Variants in SRPK1 observed in about 807,000 individuals in gnomAD.
SRPK1 encodes SFRS protein kinase 1.
A neutral mutation model predicts 89.5 loss-of-function variants in SRPK1; 52 were observed. That is an observed-to-expected ratio of 0.58 (90% CI 0.46 to 0.73). The LOEUF (loss-of-function observed/expected upper bound fraction) is 0.73. SRPK1 is among the 30% of genes least tolerant of loss of function. The pLI is 0.00. For synonymous variants in SRPK1, 255 were observed against 270.2 expected, an observed-to-expected ratio of 0.94 and a Z score of 0.55; for missense variants, 603 against 780.6, an observed-to-expected ratio of 0.77 and a Z score of 2.71.
chr6:35,887,926 T>C lies in SRPK1; in HGVS notation c.390+98A>G, dbSNP rs137888368. ...GGTTACTAGAACTTTATAGAGAAAA[T>C]TATCCATGCTAAAGAGCCTCCACTT... On this transcript the variant is annotated intron_variant, in intron 5 of 15. Coordinates refer to ENST00000373825, the MANE Select transcript of SRPK1 (RefSeq NM_003137.5). 6 of 824,774 alleles carry C rather than the reference T, an allele frequency of 7.3e-6. No individual in the cohort carries two copies. In the East Asian group the frequency reaches 1.5e-4, roughly 20 times the overall value. 51.1% of individuals were successfully genotyped at this position (824,774 alleles called of 1,614,324 possible).
intron 2 of SRPK1, among the ~76,000 whole-genome samples, chr6:35,911,102 T>C (rs1219442296): frequency 1.3e-5 from 2 of 152,192 alleles, no homozygotes; most frequent in African/African-American, 2.4e-5. Context: ...GATAAGGCAA[T>C]AGCTACCATA....
At chr6:35,897,729 C>T (rs1770654127) in intron 2 of SRPK1, among the ~76,000 whole-genome samples, 1 of 152,124 alleles carries the variant, frequency 6.6e-6, no homozygotes, top group African/African-American at 2.4e-5. Context: ...CCAGACAAGT[C>T]TCAAACTCCT....
At chr6:35,850,438 A>G (rs1472970729) in intron 13 of SRPK1, among the ~76,000 whole-genome samples, 1 of 152,218 alleles carries the variant, frequency 6.6e-6, no homozygotes, top group Non-Finnish European at 1.5e-5. Flanking sequence ...AGCACCAGAA[A>G]GGCCAAAAGA....
intron 2 of SRPK1, among the ~76,000 whole-genome samples, chr6:35,907,796 CTG>C (rs1770882626): frequency 6.6e-6 from 1 of 152,150 alleles, no homozygotes; most frequent in South Asian, 2.1e-4. Flanking sequence ...TAGTTTGGCT[CTG>C]TGTCTCTACA....
intron 13 of SRPK1, among the ~76,000 whole-genome samples, chr6:35,852,286 C>T (rs1359186167): frequency 6.6e-6 from 1 of 152,184 alleles, no homozygotes; most frequent in Non-Finnish European, 1.5e-5. Context: ...AGAGCAATGC[C>T]TGGGATTCTG....
intron 2 of SRPK1, among the ~76,000 whole-genome samples, chr6:35,907,960 G>A (rs528466994): frequency 6.6e-6 from 1 of 152,208 alleles, no homozygotes; most frequent in East Asian, 1.9e-4. Flanking sequence ...CCTCGTTCTC[G>A]CAGACATTCC....
In SRPK1 at chr6:35,840,044, C is replaced by T. The variant is rs566258326; in HGVS notation, c.1691-1615G>A. Among the ~76,000 whole-genome samples the T allele has an allele frequency of 7.9e-5, 12 of 151,986 alleles. No homozygotes were observed. In the East Asian group the frequency reaches 2.1e-3, roughly 27 times the overall value. On this transcript the variant is annotated intron_variant, in intron 14 of 15. Coordinates refer to ENST00000373825, the MANE Select transcript of SRPK1 (RefSeq NM_003137.5). ...CTGGTCTCAAACTCCTGGGCTCAAG[C>T]GATCCACCCACCTCAGCCTCCTGAA...
intron 2 of SRPK1, among the ~76,000 whole-genome samples, chr6:35,901,170 G>A (rs1198528398): frequency 1.3e-5 from 2 of 152,162 alleles, no homozygotes; most frequent in Admixed American, 1.3e-4. Context: ...TGTGTTAGAG[G>A]CTGAATTGTG....
At chr6:35,898,612 A>T (rs1770673705) in intron 2 of SRPK1, among the ~76,000 whole-genome samples, 1 of 152,082 alleles carries the variant, frequency 6.6e-6, no homozygotes, top group Non-Finnish European at 1.5e-5. Context: ...GGCATCTGTA[A>T]TCTCAGCTAC....
chr6:35,910,311 G>C (rs1007967914), intron 2 of SRPK1, among the ~76,000 whole-genome samples: 2 of 152,164 alleles, frequency 1.3e-5, no homozygotes, highest in Non-Finnish European at 2.9e-5. Flanking sequence ...GATGGAGAAA[G>C]TTTTAGTGGT....
intron 5 of SRPK1, among the ~76,000 whole-genome samples, chr6:35,887,612 G>A (rs1770437262): frequency 6.6e-6 from 1 of 152,010 alleles, no homozygotes; most frequent in African/African-American, 2.4e-5. Context: ...AATGGAATCA[G>A]TAAATACAGT....
At chr6:35,889,963 C>A (rs1268823792) in intron 3 of SRPK1, among the ~76,000 whole-genome samples, 1 of 148,836 alleles carries the variant, frequency 6.7e-6, no homozygotes, top group Non-Finnish European at 1.5e-5. Flanking sequence ...AAAAAATTAG[C>A]CGGGTATGGT....
intron 2 of SRPK1, among the ~76,000 whole-genome samples, chr6:35,896,718 G>GA (rs1770632525): frequency 6.6e-6 from 1 of 152,130 alleles, no homozygotes; most frequent in Non-Finnish European, 1.5e-5. Flanking sequence ...GGAAATGCAG[G>GA]AACTTATTAT....
intron 5 of SRPK1, 79 bp from the exon 6 acceptor site, chr6:35,886,890 G>T: frequency 1.3e-6 from 1 of 756,150 alleles, no homozygotes; most frequent in Non-Finnish European, 2.3e-6. Context: ...AATACTTACA[G>T]CAAATTAACT....
chr6:35,878,813 AG>A (rs1770214880), intron 6 of SRPK1, among the ~76,000 whole-genome samples: 1 of 152,200 alleles, frequency 6.6e-6, no homozygotes, highest in Admixed American at 6.5e-5. Context: ...ATTTACGGCC[AG>A]GCACAGTAGC....
chr6:35,908,511 G>A (rs2127267182), intron 2 of SRPK1, among the ~76,000 whole-genome samples: 2 of 152,354 alleles, frequency 1.3e-5, no homozygotes, highest in South Asian at 4.1e-4. Context: ...GTATTTGGCA[G>A]AAGAAATTTC....
intron 2 of SRPK1, among the ~76,000 whole-genome samples, chr6:35,906,770 C>T (rs933856341): frequency 9.9e-5 from 15 of 151,752 alleles, no homozygotes; most frequent in African/African-American, 3.6e-4. Context: ...TATGAACATA[C>T]TAAAAACCAC....
At chr6:35,858,964 G>A (rs1769720841) in intron 12 of SRPK1, among the ~76,000 whole-genome samples, 1 of 152,140 alleles carries the variant, frequency 6.6e-6, no homozygotes, top group Admixed American at 6.6e-5. Flanking sequence ...ATATTAAAGT[G>A]TATTTACAAC....
At chr6:35,839,119 G>A (rs554106218) in intron 14 of SRPK1, among the ~76,000 whole-genome samples, 135 of 152,338 alleles carry the variant, frequency 8.9e-4, no homozygotes, top group African/African-American at 3.0e-3. Flanking sequence ...TATTATTTGT[G>A]ATCATTCTGT....
Sources: gnomAD v4.1 joint callset for allele counts (sites outside exome capture counted in the v4.1 genomes callset) on GRCh38, gnomAD v4.1.1 for gene constraint, MANE v1.5 for transcripts, NCBI Gene and HGNC (gene_info 2026-07-23, HGNC 2026-07-21) for gene names.